Variants in GIT2 observed in about 807,000 individuals in gnomAD.
GIT2 encodes the protein ARF GTPase-activating protein GIT2.
Under a neutral mutation model 100.3 loss-of-function variants are expected in GIT2, and 32 were observed. The observed-to-expected ratio is 0.32, with a 90% CI of 0.24 to 0.43. The LOEUF (loss-of-function observed/expected upper bound fraction) is 0.43. Among genes scored for constraint, GIT2 ranks in the 20% least tolerant of loss-of-function variants. The probability of loss-of-function intolerance (pLI) is 1.00; values close to 1 mark genes in which losing one functional copy is unlikely to be tolerated. For missense variants in GIT2, 737 were observed against 975.1 expected, an observed-to-expected ratio of 0.76 and a Z score of 3.25; for synonymous variants, 353 against 364.1, an observed-to-expected ratio of 0.97 and a Z score of 0.35.
chr12:109,993,496 A>G (rs1275630977), intron 1 of GIT2, among the ~76,000 whole-genome samples: 1 of 152,220 alleles, frequency 6.6e-6, no homozygotes, highest in Non-Finnish European at 1.5e-5. Context: ...CAAGGAGTTC[A>G]GGGTTTGAAC....
chr12:109,941,822 AT>A (rs199632899), intron 16 of GIT2, among the ~76,000 whole-genome samples: 1 of 146,998 alleles, frequency 6.8e-6, no homozygotes, highest in East Asian at 2.0e-4. Flanking sequence ...CACCCTGCCA[AT>A]TTTTTTTCTT....
chr12:109,999,657 G>A (rs574260781), upstream of GIT2: 528 of 1,499,400 alleles, frequency 3.5e-4, 8 homozygotes, highest in South Asian at 3.8e-3. The surrounding 1 kb of genome is among the most constrained non-coding windows in gnomAD (Gnocchi z 4.3). Flanking sequence ...ACTTGGGGCG[G>A]GCGACGAGGA....
At chr12:109,938,965 C>A (rs568243549) in intron 17 of GIT2, 200 bp downstream of exon 17, 1 of 557,940 alleles carries the variant, frequency 1.8e-6, no homozygotes, top group East Asian at 3.1e-5. Flanking sequence ...CATGCTGGTA[C>A]AAAGAAAAAG....
At chr12:109,967,017 T>C (rs1375643415) in intron 8 of GIT2, among the ~76,000 whole-genome samples, 1 of 152,222 alleles carries the variant, frequency 6.6e-6, no homozygotes, top group Non-Finnish European at 1.5e-5. Flanking sequence ...CATTCATTTA[T>C]AGAGTGTCCA....
intron 1 of GIT2, 183 bp downstream of exon 1, chr12:109,995,990 G>C: frequency 2.1e-6 from 1 of 476,476 alleles, no homozygotes. Flanking sequence ...GGGACGGGGA[G>C]GGCGGCGGCC....
At chr12:109,985,145 GT>G (rs1018470639) in intron 4 of GIT2, among the ~76,000 whole-genome samples, 8 of 151,598 alleles carry the variant, frequency 5.3e-5, no homozygotes, top group African/African-American at 1.9e-4. Flanking sequence ...TAGTTTTTTT[GT>G]TTTTTAAACA....
At chr12:109,964,639 ACACACACACACACACACAC>A in intron 9 of GIT2, among the ~76,000 whole-genome samples, 1 of 118,512 alleles carries the variant, frequency 8.4e-6, no homozygotes, top group African/African-American at 3.6e-5. Flanking sequence ...ACACACACAC[ACACACACACACACACACAC>A]ACACACACAC....
At chr12:109,966,240 C>T (rs1163629607) in intron 8 of GIT2, among the ~76,000 whole-genome samples, 16 of 147,520 alleles carry the variant, frequency 1.1e-4, no homozygotes, top group Admixed American at 7.4e-4. Context: ...GTGATCCACC[C>T]GCCTCGGCCT....
At chr12:109,985,467 G>A (rs2136872031) in intron 4 of GIT2, among the ~76,000 whole-genome samples, 1 of 152,344 alleles carries the variant, frequency 6.6e-6, no homozygotes, top group Non-Finnish European at 1.5e-5. Flanking sequence ...TGTAATCCCA[G>A]CACTTTGGGA....
intron 4 of GIT2, among the ~76,000 whole-genome samples, chr12:109,988,301 T>C (rs11069222): frequency 0.07 from 10,723 of 152,186 alleles, 626 homozygotes; most frequent in African/African-American, 0.15. Context: ...AATTAATGAA[T>C]GTGCAGAAAT....
At chr12:109,994,333 A>C (rs1248727890) in intron 1 of GIT2, among the ~76,000 whole-genome samples, 1 of 152,194 alleles carries the variant, frequency 6.6e-6, no homozygotes, top group East Asian at 1.9e-4. Context: ...GGCTCCAGGG[A>C]CACCACAAAT....
chr12:109,951,285 A>T lies in GIT2; in HGVS notation c.1274T>A (p.Val425Asp). The change falls in exon 14 of 20, where the codon GTC (valine) becomes GAC (aspartate). Residue 425 changes from valine to aspartate, a missense_variant. Physicochemically the swap from Val to Asp is radical, Grantham distance 152. Coordinates refer to ENST00000355312, the MANE Select transcript of GIT2 (RefSeq NM_057169.5). ...SLDSDLSDGP[V>D]TVQEFMEVKN... ...GACCTCCATAAATTCCTGTACAGTGACTGGTCCATCTGATAAATCTGAATC... is the reference window on the plus strand; with the variant it reads ...GACCTCCATAAATTCCTGTACAGTGTCTGGTCCATCTGATAAATCTGAATC... The T allele has an allele frequency of 6.2e-7, 1 of 1,611,934 alleles. No individual in the cohort carries two copies. The highest frequency in any genetic ancestry group is 8.5e-7 in the Non-Finnish European group (1 of 1,177,966).
At chr12:109,970,766 C>A (rs1487370030) in intron 7 of GIT2, among the ~76,000 whole-genome samples, 2 of 152,206 alleles carry the variant, frequency 1.3e-5, no homozygotes, top group African/African-American at 4.8e-5. Flanking sequence ...CTAGTTCCTT[C>A]ACCCTTCCAT....
chr12:109,981,758 G>A (rs1444498916), intron 6 of GIT2: 1 of 152,190 alleles, frequency 6.6e-6, no homozygotes, highest in African/African-American at 2.4e-5. Flanking sequence ...CAAGGTACAA[G>A]TGCGAAAATT....
At position 109,961,617 on chromosome 12, in the gene GIT2, A is replaced by G; in HGVS notation, c.885T>C (p.Asp295=). Residue 295 remains aspartate (D), a synonymous_variant, in exon 10 of 20, where the codon GAT becomes GAC. Coordinates refer to ENST00000355312, the MANE Select transcript of GIT2 (RefSeq NM_057169.5). The part of the protein sequence containing the change: ...VYDEVDRRET[D]AVWLATQNHS... ...GATAAAGCCACGTCAAGTCACCTGC[A>G]TCCGTCTCTCGCCTGTCAACTTCAT... 1.9e-6 allele frequency: 3 copies of G among 1,595,302 alleles called. No individual in the cohort carries two copies. Among genetic ancestry groups the G allele is most frequent in the Non-Finnish European group, 2.6e-6 (3 of 1,163,078 alleles).
chr12:109,934,169 T>C lies in GIT2; in HGVS notation c.2004-84A>G. ...GACTCAAGTGCTAGAACAGATTCTG[T>C]TTACATTCCCTTCATGAAGGGGCTA... is the stretch of plus-strand genomic sequence containing the variant. On this transcript the variant is annotated intron_variant, in intron 18 of 19. Transcript: ENST00000355312. This position sits in a 1 kb window ranked among gnomAD's most constrained non-coding sequence, Gnocchi z 4.5. 1.3e-6 allele frequency: 1 copy of C among 799,392 alleles called. No individual in the cohort carries two copies. Among genetic ancestry groups the C allele is most frequent in the Non-Finnish European group, 2.3e-6 (1 of 443,328 alleles). The allele number at this position is 799,392 out of a possible 1,614,324, so 49.5% of individuals were successfully genotyped here.
intron 7 of GIT2, 188 bp downstream of exon 7, chr12:109,980,764 T>G (rs1360714802): frequency 5.1e-6 from 3 of 582,646 alleles, no homozygotes; most frequent in Non-Finnish European, 3.1e-6. Flanking sequence ...CTAAGGAGTT[T>G]TGTCCAACTT....
In GIT2 at chr12:109,933,183, T is replaced by C. The variant is rs1296385624; in HGVS notation, c.2075A>G (p.Lys692Arg). The C allele has an allele frequency of 1.9e-6, 3 of 1,549,326 alleles. No individual in the cohort carries two copies. The highest frequency in any genetic ancestry group is 2.6e-6 in the Non-Finnish European group (3 of 1,142,158). The change falls in exon 20 of 20, where the codon AAG becomes AGG. Residue 692 changes from lysine to arginine, a missense_variant. Physicochemically the swap from Lys to Arg is conservative, Grantham distance 26. Transcript: ENST00000355312. This position sits in a 1 kb window ranked among gnomAD's most constrained non-coding sequence, Gnocchi z 4.5. ...AAGGGAAGTCCTCACCATATCAGACTTGGGTTTCTAAAAGGAAAAAGACAG... is the reference window on the plus strand; with the variant it reads ...AAGGGAAGTCCTCACCATATCAGACCTGGGTTTCTAAAAGGAAAAAGACAG... ...EMAALFPKKP[K>R]SDMVRTSLRL...
chr12:109,955,185 G>A (rs1019700319), intron 12 of GIT2, among the ~76,000 whole-genome samples: 9 of 151,140 alleles, frequency 6.0e-5, no homozygotes, highest in East Asian at 3.9e-4. Flanking sequence ...GTGCAGTGGC[G>A]CGATCTTGGC....
Sources: allele counts gnomAD v4.1 joint callset (sites outside exome capture counted in the v4.1 genomes callset), GRCh38; gene constraint gnomAD v4.1.1; non-coding constraint Gnocchi (gnomAD v3.1); transcripts MANE v1.5; gene names NCBI Gene and HGNC (gene_info 2026-07-23, HGNC 2026-07-21).